The following AKAP6 variants were observed in gnomAD, a reference collection of about 807,000 sequenced individuals.
AKAP6 encodes the protein A-kinase anchor protein 6.
Under a neutral mutation model 188.5 loss-of-function variants are expected in AKAP6, and 58 were observed. That is an observed-to-expected ratio of 0.31 (90% CI 0.25 to 0.38). AKAP6 has a LOEUF of 0.38. Ranked by LOEUF, AKAP6 falls within the 10% of genes least tolerant of loss-of-function variation. AKAP6 has a pLI of 1.00. For synonymous variants in AKAP6, 989 were observed against 998.6 expected (o/e 0.99, Z 0.18); for missense variants, 2,710 against 2,740.0 (o/e 0.99, Z 0.24).
chr14:32,543,235 T>C (rs1883043264), intron 3 of AKAP6, among the ~76,000 whole-genome samples: 1 of 152,242 alleles, frequency 6.6e-6, no homozygotes, highest in East Asian at 1.9e-4. Flanking sequence ...ACTACTATTC[T>C]GCTTTTGGCT....
intron 4 of AKAP6, among the ~76,000 whole-genome samples, chr14:32,548,112 T>C (rs938622983): frequency 6.7e-5 from 10 of 150,302 alleles, no homozygotes; most frequent in Admixed American, 2.6e-4. Flanking sequence ...TTTTTTTTTT[T>C]TTCCTCTGAG....
intron 9 of AKAP6, among the ~76,000 whole-genome samples, chr14:32,724,587 A>T (rs1470482510): frequency 2.0e-5 from 3 of 152,190 alleles, no homozygotes; most frequent in African/African-American, 7.2e-5. Flanking sequence ...ATTTCTATAC[A>T]AGTTGACACT....
chr14:32,602,936 C>T (rs1438656074), intron 7 of AKAP6, among the ~76,000 whole-genome samples: 1 of 152,188 alleles, frequency 6.6e-6, no homozygotes, highest in Non-Finnish European at 1.5e-5. Context: ...TAGAGATGAA[C>T]AGCTGGCTTC....
At chr14:32,691,844 C>T (rs1890192391) in intron 8 of AKAP6, among the ~76,000 whole-genome samples, 1 of 152,068 alleles carries the variant, frequency 6.6e-6, no homozygotes, top group East Asian at 1.9e-4. Context: ...CAGGTGTGAG[C>T]CACTGTGCCT....
chr14:32,543,581 C>A (rs1184352884), intron 3 of AKAP6, among the ~76,000 whole-genome samples: 1 of 152,022 alleles, frequency 6.6e-6, no homozygotes, highest in Non-Finnish European at 1.5e-5. Context: ...ATTGGTAGTT[C>A]AATTTTTAGC....
intron 12 of AKAP6, among the ~76,000 whole-genome samples, chr14:32,806,797 G>T (rs1246801230): frequency 1.3e-5 from 2 of 152,168 alleles, no homozygotes; most frequent in African/African-American, 2.4e-5. Context: ...CTGAGATCTG[G>T]GTTAGCAGAG....
At chr14:32,804,183 T>C (rs908136356) in intron 12 of AKAP6, among the ~76,000 whole-genome samples, 23 of 152,210 alleles carry the variant, frequency 1.5e-4, no homozygotes, top group African/African-American at 5.3e-4. Context: ...TCTGTGCCAC[T>C]TACCTATAGC....
intron 1 of AKAP6, among the ~76,000 whole-genome samples, chr14:32,398,871 T>TTG (rs1888980504): frequency 7.1e-6 from 1 of 140,410 alleles, no homozygotes; most frequent in African/African-American, 2.7e-5. Context: ...TTTTTTTTTT[T>TTG]GATGGAGTCT....
At chr14:32,429,974 C>A (rs1890160399) in intron 1 of AKAP6, among the ~76,000 whole-genome samples, 1 of 152,192 alleles carries the variant, frequency 6.6e-6, no homozygotes, top group Non-Finnish European at 1.5e-5. Context: ...TCTTAAGTGG[C>A]AAACTTCTAG....
At chr14:32,338,295 C>T (rs1020614392) in intron 1 of AKAP6, among the ~76,000 whole-genome samples, 1 of 152,122 alleles carries the variant, frequency 6.6e-6, no homozygotes, top group Non-Finnish European at 1.5e-5. Context: ...GATACCCAAA[C>T]AAGAAGTAGT....
Position 32,834,481 on chromosome 14 carries a change from G to A in AKAP6, c.*4676G>A, listed in dbSNP as rs1373892790. ...ATTATGTCCTCTTATAGTTGTTTTTGTTTTAATACAGTATTCAAACAAAGA... is the reference window on the plus strand; with the variant it reads ...ATTATGTCCTCTTATAGTTGTTTTTATTTTAATACAGTATTCAAACAAAGA... On this transcript the variant is annotated 3_prime_UTR_variant, in exon 14 of 14. Coordinates refer to ENST00000280979, the MANE Select transcript of AKAP6 (RefSeq NM_004274.5). 1 of 132,592 alleles carries A rather than the reference G, an allele frequency of 7.5e-6. No individual in the cohort carries two copies. The highest frequency in any genetic ancestry group is 2.8e-5 in the African/African-American group (1 of 36,184). 8.2% of individuals were successfully genotyped at this position (132,592 alleles called of 1,614,324 possible).
intron 5 of AKAP6, among the ~76,000 whole-genome samples, chr14:32,579,144 G>A (rs1028596500): frequency 2.6e-5 from 4 of 152,068 alleles, no homozygotes; most frequent in Non-Finnish European, 2.9e-5. Context: ...ATTCTGTCTA[G>A]CCTTACAAAT....
At chr14:32,540,190 ATATTTTAAT>A (rs1882880105) in intron 3 of AKAP6, among the ~76,000 whole-genome samples, 1 of 128,290 alleles carries the variant, frequency 7.8e-6, no homozygotes, top group Non-Finnish European at 1.7e-5. Context: ...ATATATATAT[ATATTTTAAT>A]TTTTTATTTT....
chr14:32,407,242 T>G lies in AKAP6; in HGVS notation c.-34-26218T>G, dbSNP rs534977386. On this transcript the variant is annotated intron_variant, in intron 1 of 13. Coordinates refer to ENST00000280979, the MANE Select transcript of AKAP6 (RefSeq NM_004274.5). ...AGACATGAATTTGTTCTGGGAACTT[T>G]TACTAATCTATGGAAAAGGTTGTTA... Among the ~76,000 whole-genome samples, 3 of 152,316 alleles carry G rather than the reference T, an allele frequency of 2.0e-5. No individual in the cohort carries two copies. In the South Asian group the frequency reaches 6.2e-4, roughly 32 times the overall value.
intron 11 of AKAP6, among the ~76,000 whole-genome samples, chr14:32,745,163 A>T (rs1176341200): frequency 6.6e-6 from 1 of 152,020 alleles, no homozygotes; most frequent in Non-Finnish European, 1.5e-5. Context: ...ATTCTAGTAG[A>T]TGTTCTTCGG....
chr14:32,344,936 A>AAG (rs1281476265), intron 1 of AKAP6, among the ~76,000 whole-genome samples: 14 of 149,996 alleles, frequency 9.3e-5, no homozygotes, highest in African/African-American at 3.5e-4. Context: ...AAAAAAAAAA[A>AAG]AGAGAGAGAG....
At chr14:32,379,108 A>G (rs1427084360) in intron 1 of AKAP6, among the ~76,000 whole-genome samples, 2 of 152,048 alleles carry the variant, frequency 1.3e-5, no homozygotes, top group Non-Finnish European at 2.9e-5. Context: ...TTTAGTAGAG[A>G]CAGGGTTTCA....
chr14:32,734,937 TC>T (rs1424686566), intron 10 of AKAP6, among the ~76,000 whole-genome samples: 1 of 152,054 alleles, frequency 6.6e-6, no homozygotes, highest in Non-Finnish European at 1.5e-5. Flanking sequence ...AAAACAGCCC[TC>T]CCCGACAACA....
intron 7 of AKAP6, among the ~76,000 whole-genome samples, chr14:32,635,949 G>A (rs1333794907): frequency 6.6e-6 from 1 of 152,016 alleles, no homozygotes; most frequent in Non-Finnish European, 1.5e-5. Context: ...CTTTATGTTA[G>A]ATAGTTCTCA....
Sources: gnomAD v4.1 joint callset for allele counts (sites outside exome capture counted in the v4.1 genomes callset) on GRCh38, gnomAD v4.1.1 for gene constraint, MANE v1.5 for transcripts, NCBI Gene and HGNC (gene_info 2026-07-23, HGNC 2026-07-21) for gene names.